The following FER variants were observed in gnomAD, a reference collection of about 807,000 sequenced individuals.
FER encodes tyrosine-protein kinase Fer.
FER carries 63 observed loss-of-function variants against 111.0 expected under a neutral mutation model. The ratio of observed to expected loss-of-function variants is 0.57; its 90% confidence interval spans 0.46 to 0.70. FER has a LOEUF of 0.70. Among genes scored for constraint, FER ranks in the 30% least tolerant of loss-of-function variants. FER has a pLI of 0.00. For missense variants in FER, 914 were observed against 954.0 expected (o/e 0.96, Z 0.55); for synonymous variants, 327 against 313.9 (o/e 1.04, Z -0.44).
At chr5:108,914,229 C>CTGTGTG (rs773376087) in intron 10 of FER, among the ~76,000 whole-genome samples, 4 of 137,832 alleles carry the variant, frequency 2.9e-5, no homozygotes, top group African/African-American at 1.2e-4. Flanking sequence ...TAACTTGTCT[C>CTGTGTG]TCTGTGTGTG....
At chr5:109,096,223 T>C (rs933562226) in intron 16 of FER, among the ~76,000 whole-genome samples, 5 of 152,106 alleles carry the variant, frequency 3.3e-5, no homozygotes, top group Admixed American at 3.3e-4. Context: ...AATAGCCACC[T>C]ATCATCTCAT....
intron 3 of FER, among the ~76,000 whole-genome samples, chr5:108,815,544 A>G (rs1399421459): frequency 6.6e-6 from 1 of 152,048 alleles, no homozygotes; most frequent in Non-Finnish European, 1.5e-5. Context: ...TATTGTTAGG[A>G]CCTGTTTTCT....
At chr5:109,084,956 C>T (rs1165617124) in intron 16 of FER, among the ~76,000 whole-genome samples, 4 of 151,704 alleles carry the variant, frequency 2.6e-5, no homozygotes, top group Non-Finnish European at 5.9e-5. Context: ...ATCCTGAAAC[C>T]AAAAACCGTA....
intron 10 of FER, among the ~76,000 whole-genome samples, chr5:108,911,592 T>C (rs1751553504): frequency 1.3e-5 from 2 of 152,188 alleles, no homozygotes; most frequent in South Asian, 4.1e-4. Context: ...ATTTTTATAG[T>C]TTCAGGTTTA....
At position 109,115,276 on chromosome 5, in the gene FER, G is replaced by C. The variant is rs567146487; in HGVS notation, c.2048+14757G>C. Among the ~76,000 whole-genome samples the C allele has an allele frequency of 9.2e-5, 14 of 152,164 alleles. No individual in the cohort carries two copies. In the East Asian group the frequency reaches 2.5e-3, roughly 27 times the overall value. ...TAAACTATAGTAGTGATAGGAAAAA[G>C]ATATAAAATTAAAGACTATTTAGGA... On this transcript the variant is annotated intron_variant, in intron 17 of 19. Coordinates refer to ENST00000281092, the MANE Select transcript of FER (RefSeq NM_005246.4).
At chr5:108,768,841 T>C (rs1355889225) in intron 2 of FER, among the ~76,000 whole-genome samples, 1 of 152,068 alleles carries the variant, frequency 6.6e-6, no homozygotes, top group East Asian at 1.9e-4. Context: ...TTTTTTTTTT[T>C]TGAGACAGGG....
intron 2 of FER, among the ~76,000 whole-genome samples, chr5:108,774,169 T>C (rs1753231167): frequency 6.6e-6 from 1 of 152,144 alleles, no homozygotes; most frequent in African/African-American, 2.4e-5. Context: ...TTTCTGTTCC[T>C]GTGTTAGTTT....
chr5:109,107,365 T>G (rs1255294402), intron 17 of FER, among the ~76,000 whole-genome samples: 2 of 152,124 alleles, frequency 1.3e-5, no homozygotes, highest in Non-Finnish European at 2.9e-5. Flanking sequence ...GGGGTACATG[T>G]GAAGGTTTGT....
intron 16 of FER, among the ~76,000 whole-genome samples, chr5:109,084,483 G>A (rs1456906116): frequency 6.7e-6 from 1 of 148,200 alleles, no homozygotes; most frequent in Non-Finnish European, 1.5e-5. Context: ...CTGTTATGTG[G>A]GGTTATTTTA....
chr5:109,025,424 C>G (rs937586997), intron 13 of FER, among the ~76,000 whole-genome samples: 1 of 152,018 alleles, frequency 6.6e-6, no homozygotes, highest in South Asian at 2.1e-4. Context: ...CTCTGTTTGT[C>G]TGTTGTTGGT....
intron 13 of FER, among the ~76,000 whole-genome samples, chr5:109,003,783 C>G (rs1453109302): frequency 5.3e-5 from 8 of 152,008 alleles, no homozygotes; most frequent in African/African-American, 1.9e-4. Context: ...ATTTCAAGAT[C>G]AGCCTAGGCA....
chr5:109,031,720 AT>A (rs2149863312), intron 13 of FER, among the ~76,000 whole-genome samples: 1 of 152,130 alleles, frequency 6.6e-6, no homozygotes, highest in African/African-American at 2.4e-5. Context: ...TGCCAAAGTT[AT>A]TTTCTCCTTT....
chr5:108,769,907 A>G (rs1367821955), intron 2 of FER, among the ~76,000 whole-genome samples: 2 of 152,082 alleles, frequency 1.3e-5, no homozygotes, highest in Non-Finnish European at 2.9e-5. Context: ...TATACTAGTT[A>G]ATACTTTATT....
chr5:109,093,189 G>C (rs1747045419), intron 16 of FER, among the ~76,000 whole-genome samples: 1 of 152,138 alleles, frequency 6.6e-6, no homozygotes, highest in Non-Finnish European at 1.5e-5. Context: ...ACAACAATAT[G>C]TAATATGTTA....
At chr5:109,021,086 C>T (rs1220802929) in intron 13 of FER, among the ~76,000 whole-genome samples, 1 of 151,942 alleles carries the variant, frequency 6.6e-6, no homozygotes, top group Non-Finnish European at 1.5e-5. Context: ...CTTTATACAT[C>T]TTTTATCAGA....
intron 10 of FER, among the ~76,000 whole-genome samples, chr5:108,938,018 TCTCTCTCTCACACACA>T (rs1755731084): frequency 8.7e-6 from 1 of 115,214 alleles, no homozygotes; most frequent in Non-Finnish European, 1.8e-5. Context: ...TTTTTCCCTA[TCTCTCTCTCACACACA>T]CACACACACA....
chr5:109,053,744 G>A (rs1288762059), intron 16 of FER, among the ~76,000 whole-genome samples: 3 of 143,674 alleles, frequency 2.1e-5, no homozygotes, highest in African/African-American at 5.3e-5. Flanking sequence ...AGGCTGGAGT[G>A]CAGTGGTGCG....
intron 17 of FER, among the ~76,000 whole-genome samples, chr5:109,115,719 A>AT (rs748280090): frequency 2.6e-5 from 4 of 151,998 alleles, no homozygotes; most frequent in East Asian, 3.8e-4. Context: ...AAAAATCAGA[A>AT]TTTTCAGCTT....
intron 3 of FER, among the ~76,000 whole-genome samples, chr5:108,829,827 TGAG>T (rs1759850408): frequency 6.6e-6 from 1 of 152,068 alleles, no homozygotes; most frequent in African/African-American, 2.4e-5. Flanking sequence ...CCATTTCAAT[TGAG>T]GAGACATTAT....
Sources: allele counts gnomAD v4.1 joint callset (sites outside exome capture counted in the v4.1 genomes callset), GRCh38; gene constraint gnomAD v4.1.1; transcripts MANE v1.5; gene names NCBI Gene and HGNC (gene_info 2026-07-23, HGNC 2026-07-21).